Variants in OR2T1 observed in about 807,000 individuals in gnomAD.
The protein encoded by OR2T1 is olfactory receptor family 2 subfamily T member 1, also known as olfactory receptor 2T1.
For missense variants in OR2T1, 440 were observed against 390.2 expected, an observed-to-expected ratio of 1.13 and a Z score of -1.07; for synonymous variants, 186 against 145.4, an observed-to-expected ratio of 1.28 and a Z score of -2.01.
At position 248,406,062 on chromosome 1, in the gene OR2T1, A is replaced by G. The variant is rs1440625606; in HGVS notation, c.-33-53A>G. ...TTAAAAGTTTGCTGCCTAACAATTAATTCACATGTTGTTATTTTACTGCCC... is the reference window on the plus strand; with the variant it reads ...TTAAAAGTTTGCTGCCTAACAATTAGTTCACATGTTGTTATTTTACTGCCC... On this transcript the variant is annotated intron_variant, in intron 1 of 1. Transcript: ENST00000642005. 3.7e-6 allele frequency: 6 copies of G among 1,613,332 alleles called. No individual in the cohort carries two copies. In the Admixed American group the frequency reaches 5.0e-5, roughly 13 times the overall value.
In OR2T1 at chr1:248,407,738, C is replaced by T. The variant is rs1661599185; in HGVS notation, c.*634C>T. 1.3e-5 allele frequency: 2 copies of T among 152,298 alleles called. No homozygotes were observed. The highest frequency in any genetic ancestry group is 1.3e-4 in the Admixed American group (2 of 15,278). The allele number at this position is 152,298 out of a possible 1,614,324, so 9.4% of individuals were successfully genotyped here. A position where few individuals can be genotyped will look rare whatever the true frequency, so the allele number is the denominator to read the frequency against. On this transcript the variant is annotated 3_prime_UTR_variant, in exon 2 of 2. Coordinates refer to ENST00000642005, the MANE Select transcript of OR2T1 (RefSeq NM_030904.2). ...ACCCATCCATGTGCCTGGAGGGTGG[C>T]ATGTCCCAACTCCACAGAGGCAGAA... is the stretch of plus-strand genomic sequence containing the variant.
At position 248,406,798 on chromosome 1, in the gene OR2T1, T is replaced by C. The variant is rs1324144237; in HGVS notation, c.651T>C (p.Tyr217=). Residue 217 remains tyrosine (Y), a synonymous_variant, in exon 2 of 2, where the codon TAT becomes TAC. Transcript: ENST00000642005. The part of the protein sequence containing the change: ...LIPFSVVLAS[Y]ARILTTVQCM... Reference sequence around the variant, plus strand: ...CTTTCTCTGTAGTCCTTGCTTCCTATGCCCGAATCCTGACTACAGTTCAGT... The same window carrying C: ...CTTTCTCTGTAGTCCTTGCTTCCTACGCCCGAATCCTGACTACAGTTCAGT... 1 of 1,614,186 alleles carries C rather than the reference T, an allele frequency of 6.2e-7. No homozygotes were observed. Among genetic ancestry groups the C allele is most frequent in the African/African-American group, 1.3e-5 (1 of 75,066 alleles).
At chr1:248,405,409 T>C (rs192447549) in intron 1 of OR2T1, among the ~76,000 whole-genome samples, 1 of 152,316 alleles carries the variant, frequency 6.6e-6, no homozygotes, top group East Asian at 1.9e-4. Flanking sequence ...TTTCTAATGG[T>C]CATGCTAATC....
chr1:248,404,487 T>C (rs1661511940), intron 1 of OR2T1, among the ~76,000 whole-genome samples: 1 of 148,290 alleles, frequency 6.7e-6, no homozygotes, highest in South Asian at 2.2e-4. Flanking sequence ...ACATTGTACA[T>C]AGTATCATAA....
rs1314329204 is a variant in OR2T1 at position 248,407,181 on chromosome 1, A to G, written c.*77A>G. On this transcript the variant is annotated 3_prime_UTR_variant, in exon 2 of 2. Transcript: ENST00000642005. ...TGGCTGTGCTTTCATCAAAAGATGA[A>G]GCAAAAAGGGAGGGAGTCATATGAT... 7.2e-7 allele frequency: 1 copy of G among 1,388,132 alleles called. No homozygotes were observed. Among genetic ancestry groups the G allele is most frequent in the Non-Finnish European group, 9.8e-7 (1 of 1,020,436 alleles). The allele number at this position is 1,388,132 out of a possible 1,614,324, so 86.0% of individuals were successfully genotyped here. A position where few individuals can be genotyped will look rare whatever the true frequency, so the allele number is the denominator to read the frequency against.
In OR2T1 at chr1:248,407,530, T is replaced by A. The variant is rs2103083975; in HGVS notation, c.*426T>A. The A allele has an allele frequency of 5.8e-6, 1 of 173,394 alleles. No individual in the cohort carries two copies. Among genetic ancestry groups the A allele is most frequent in the Admixed American group, 6.1e-5 (1 of 16,448 alleles). The allele number at this position is 173,394 out of a possible 1,614,324, so 10.7% of individuals were successfully genotyped here. The stretch of plus-strand genomic sequence containing the variant: ...AAGAAAAATCCGATCAGACAGGCCT[T>A]CGTGGGTGTCCCCACTCACTCTATC... On this transcript the variant is annotated 3_prime_UTR_variant, in exon 2 of 2. Transcript: ENST00000642005.
At chr1:248,405,874 G>C in intron 1 of OR2T1, 1 of 810,410 alleles carries the variant, frequency 1.2e-6, no homozygotes, top group Non-Finnish European at 1.9e-6. Flanking sequence ...GCACATCATC[G>C]TAATACAGTA....
In OR2T1 at chr1:248,407,355, T is replaced by A; in HGVS notation, c.*251T>A. ...CTTCTTTTTCTCCCCAAAGAAAGCC[T>A]TAGAAACTAAAAATATAATCCAATC... On this transcript the variant is annotated 3_prime_UTR_variant, in exon 2 of 2. Coordinates refer to ENST00000642005, the MANE Select transcript of OR2T1 (RefSeq NM_030904.2). 2.3e-6 allele frequency: 1 copy of A among 442,088 alleles called. No homozygotes were observed. The highest frequency in any genetic ancestry group is 3.9e-6 in the Non-Finnish European group (1 of 253,412). 27.4% of individuals were successfully genotyped at this position (442,088 alleles called of 1,614,324 possible).
In OR2T1 at chr1:248,406,645, C is replaced by A; in HGVS notation, c.498C>A (p.Pro166=). Residue 166 remains proline (P), a synonymous_variant, in exon 2 of 2, where the codon CCC becomes CCA. Transcript: ENST00000642005. ...FLLTPITMSF[P]FCNSREINHF... ...TAACCCCCATCACCATGAGCTTTCC[C>A]TTCTGCAATTCCCGGGAGATTAACC... 6.2e-7 allele frequency: 1 copy of A among 1,614,156 alleles called. No individual in the cohort carries two copies. Among genetic ancestry groups the A allele is most frequent in the Non-Finnish European group, 8.5e-7 (1 of 1,180,026 alleles).
intron 1 of OR2T1, among the ~76,000 whole-genome samples, chr1:248,404,375 C>G (rs948912777): frequency 6.6e-6 from 1 of 151,346 alleles, no homozygotes; most frequent in Non-Finnish European, 1.5e-5. Flanking sequence ...ATTTAGGCTG[C>G]GACATAAACT....
In OR2T1 at chr1:248,406,305, G is replaced by A. The variant is rs145124094; in HGVS notation, c.158G>A (p.Arg53His). The A allele has an allele frequency of 2.9e-5, 46 of 1,614,016 alleles. No individual in the cohort carries two copies. The highest frequency in any genetic ancestry group is 4.5e-5 in the East Asian group (2 of 44,886). Residue 53 changes from arginine (R) to histidine (H), a missense_variant, in exon 2 of 2, where the codon CGC (arginine) becomes CAC (histidine). Transcript: ENST00000642005. Reference sequence around the variant, plus strand: ...ATCTTCCTGATCCAAACAGATTTGCGCCTTCATACACCCATGTACTTCCTC... The same window carrying A: ...ATCTTCCTGATCCAAACAGATTTGCACCTTCATACACCCATGTACTTCCTC... ...VMIFLIQTDLRLHTPMYFLLS... is the reference protein window; with the variant it reads ...VMIFLIQTDLHLHTPMYFLLS...
rs1409285979 is a variant in OR2T1 at position 248,407,752 on chromosome 1, A to G, written c.*648A>G. The G allele has an allele frequency of 6.6e-6, 1 of 152,322 alleles. No homozygotes were observed. Among genetic ancestry groups the G allele is most frequent in the Non-Finnish European group, 1.5e-5 (1 of 68,090 alleles). 9.4% of individuals were successfully genotyped at this position (152,322 alleles called of 1,614,324 possible). A position where few individuals can be genotyped will look rare whatever the true frequency, so the allele number is the denominator to read the frequency against. On this transcript the variant is annotated 3_prime_UTR_variant, in exon 2 of 2. Transcript: ENST00000642005. ...CTGGAGGGTGGCATGTCCCAACTCC[A>G]CAGAGGCAGAAGCTCTTATGCTCTT...
In OR2T1 at chr1:248,407,820, G is replaced by C. The variant is rs1661602291; in HGVS notation, c.*716G>C. 6.6e-6 allele frequency: 1 copy of C among 152,194 alleles called. No homozygotes were observed. The allele number at this position is 152,194 out of a possible 1,614,324, so 9.4% of individuals were successfully genotyped here. A position where few individuals can be genotyped will look rare whatever the true frequency, so the allele number is the denominator to read the frequency against. On this transcript the variant is annotated 3_prime_UTR_variant, in exon 2 of 2. Transcript: ENST00000642005. The stretch of plus-strand genomic sequence containing the variant: ...TGTCTTTTCATCTGACTGTTTCTGT[G>C]TATCCTTTGTAATATCATTTATAAC...
In OR2T1 at chr1:248,406,756, T is replaced by C. The variant is rs138375160; in HGVS notation, c.609T>C (p.Val203=). 12,678 of 1,614,164 alleles carry C rather than the reference T, an allele frequency of 7.9e-3. 70 individuals carry two copies. Among genetic ancestry groups the C allele is most frequent in the Non-Finnish European group, 9.1e-3 (10,732 of 1,180,008 alleles). Residue 203 remains valine, a synonymous_variant, in exon 2 of 2, where the codon GTT becomes GTC. Coordinates refer to ENST00000642005, the MANE Select transcript of OR2T1 (RefSeq NM_030904.2). ...AGACAGTGATGTATGTGTGCTGTGT[T>C]TTGATGCTGCTGATTCCTTTCTCTG... ...LYETVMYVCC[V]LMLLIPFSVV... is the part of the protein sequence containing the mutation.
intron 1 of OR2T1, chr1:248,405,854 G>A: frequency 1.4e-6 from 1 of 707,354 alleles, no homozygotes; most frequent in Non-Finnish European, 2.3e-6. Flanking sequence ...GCAACCTTAG[G>A]CATTGTTATG....
chr1:248,406,121 C>G lies in OR2T1; in HGVS notation c.-27C>G. 2 of 1,614,020 alleles carry G rather than the reference C, an allele frequency of 1.2e-6. No individual in the cohort carries two copies. Among genetic ancestry groups the G allele is most frequent in the Non-Finnish European group, 1.7e-6 (2 of 1,179,934 alleles). ...CTATCATCTTATTTGGAAGATATTA[C>G]CTTATATCGGCACAACTGTAGGATC... On this transcript the variant is annotated 5_prime_UTR_variant, in exon 2 of 2. Coordinates refer to ENST00000642005, the MANE Select transcript of OR2T1 (RefSeq NM_030904.2).
In OR2T1 at chr1:248,406,831, C is replaced by T; in HGVS notation, c.684C>T (p.Ser228=). The T allele has an allele frequency of 1.2e-6, 2 of 1,614,134 alleles. No individual in the cohort carries two copies. Among genetic ancestry groups the T allele is most frequent in the Non-Finnish European group, 1.7e-6 (2 of 1,180,020 alleles). Residue 228 remains serine, a synonymous_variant, in exon 2 of 2, where the codon AGC becomes AGT. Coordinates refer to ENST00000642005, the MANE Select transcript of OR2T1 (RefSeq NM_030904.2). ...TCCTGACTACAGTTCAGTGCATGAG[C>T]TCAGTGGAGGGCAGGAAGAAGGCAT... ...ARILTTVQCM[S]SVEGRKKAFA...
intron 1 of OR2T1, among the ~76,000 whole-genome samples, chr1:248,404,245 G>GGACGCT: frequency 2.0e-5 from 3 of 150,964 alleles, no homozygotes; most frequent in African/African-American, 7.3e-5. Flanking sequence ...AGACAGCAGA[G>GGACGCT]ACCACTGTTT....
At position 248,407,246 on chromosome 1, in the gene OR2T1, C is replaced by G. The variant is rs1343657914; in HGVS notation, c.*142C>G. On this transcript the variant is annotated 3_prime_UTR_variant, in exon 2 of 2. Transcript: ENST00000642005. ...TTTGGCTAGGGTTTCTGGTTCATAA[C>G]TCCATAGTTATGATGTTGTGGTTTT... The G allele has an allele frequency of 6.3e-6, 4 of 638,016 alleles. No individual in the cohort carries two copies. The highest frequency in any genetic ancestry group is 7.5e-6 in the Non-Finnish European group (3 of 401,554). 39.5% of individuals were successfully genotyped at this position (638,016 alleles called of 1,614,324 possible).
Sources: gnomAD v4.1 joint callset for allele counts (sites outside exome capture counted in the v4.1 genomes callset) on GRCh38, gnomAD v4.1.1 for gene constraint, MANE v1.5 for transcripts, NCBI Gene and HGNC (gene_info 2026-07-23, HGNC 2026-07-21) for gene names.